ATXN7L1: variants seen among roughly 807,000 people sequenced by gnomAD.
ATXN7L1 encodes the protein ataxin-7-like protein 1.
Under a neutral mutation model 70.8 loss-of-function variants are expected in ATXN7L1, and 15 were observed. The observed-to-expected ratio is 0.21, with a 90% confidence interval of 0.14 to 0.33. ATXN7L1 has a LOEUF of 0.33. ATXN7L1 is among the 10% of genes least tolerant of loss of function. The pLI, the probability that ATXN7L1 is intolerant of heterozygous loss-of-function variation, is 1.00. For synonymous variants in ATXN7L1, 440 were observed against 445.1 expected, an observed-to-expected ratio of 0.99 and a Z score of 0.14; for missense variants, 975 against 1,097.1, an observed-to-expected ratio of 0.89 and a Z score of 1.57.
At chr7:105,831,464 A>C (rs561419957) in intron 2 of ATXN7L1, among the ~76,000 whole-genome samples, 1 of 152,284 alleles carries the variant, frequency 6.6e-6, no homozygotes, top group East Asian at 1.9e-4. Context: ...TACATAAGGA[A>C]CATCTGCTGA....
intron 2 of ATXN7L1, among the ~76,000 whole-genome samples, chr7:105,798,894 GA>G (rs1387658143): frequency 3.3e-5 from 5 of 152,228 alleles, no homozygotes; most frequent in African/African-American, 1.2e-4. Context: ...TTGTATGTGG[GA>G]GCTAAAACGC....
intron 9 of ATXN7L1, among the ~76,000 whole-genome samples, 194 bp from the exon 10 acceptor site, chr7:105,615,010 G>A (rs1793662085): frequency 6.6e-6 from 1 of 152,016 alleles, no homozygotes; most frequent in African/African-American, 2.4e-5. Flanking sequence ...GCAACATCCA[G>A]CAACCTAATT....
intron 4 of ATXN7L1, among the ~76,000 whole-genome samples, chr7:105,645,382 C>A (rs908914725): frequency 2.0e-5 from 3 of 152,168 alleles, no homozygotes; most frequent in African/African-American, 7.2e-5. Context: ...AGATCAGAGG[C>A]TGGGCTCAGT....
intron 4 of ATXN7L1, among the ~76,000 whole-genome samples, chr7:105,647,115 G>A (rs931999553): frequency 7.9e-5 from 12 of 152,208 alleles, no homozygotes; most frequent in Non-Finnish European, 1.0e-4. Context: ...TCTAGTACCT[G>A]GGCAGCCTTC....
At chr7:105,700,420 T>C (rs539791411) in intron 3 of ATXN7L1, among the ~76,000 whole-genome samples, 5 of 147,092 alleles carry the variant, frequency 3.4e-5, no homozygotes, top group South Asian at 2.1e-4. Flanking sequence ...GGCAGGAGAA[T>C]TGCTTGAACC....
chr7:105,741,053 C>A (rs1016020591), intron 3 of ATXN7L1, among the ~76,000 whole-genome samples: 2 of 152,082 alleles, frequency 1.3e-5, no homozygotes, highest in Admixed American at 6.5e-5. Flanking sequence ...CGTGAGCCAC[C>A]GCACCCGGCG....
rs71155469 is a variant in ATXN7L1 at position 105,671,104 on chromosome 7, CAAAAAAA to C, written c.356-5823_356-5817del. Among the ~76,000 whole-genome samples the C allele has an allele frequency of 8.2e-4, 74 of 89,706 alleles. 7 individuals are homozygous for C. The highest frequency in any genetic ancestry group is 2.3e-3 in the African/African-American group (57 of 24,592). The allele number at this position is 89,706 out of a possible 152,430, so 58.9% of individuals were successfully genotyped here. On this transcript the variant is annotated intron_variant, in intron 3 of 11. Transcript: ENST00000419735. ...CCTGGGCGACAGCGAGACTACGTCT[CAAAAAAA>C]AAAAAAAAAAAAAAAAAAAAAATTA... is the stretch of plus-strand genomic sequence containing the variant.
At chr7:105,618,812 T>C (rs926796300) in intron 9 of ATXN7L1, among the ~76,000 whole-genome samples, 1 of 152,196 alleles carries the variant, frequency 6.6e-6, no homozygotes, top group African/African-American at 2.4e-5. Context: ...CCTTACATTA[T>C]CAAGCGGCCT....
chr7:105,836,459 C>T (rs1694549372), intron 2 of ATXN7L1, among the ~76,000 whole-genome samples: 1 of 152,138 alleles, frequency 6.6e-6, no homozygotes, highest in Non-Finnish European at 1.5e-5. Context: ...GGGATGCCAG[C>T]ATTTAAATGG....
At chr7:105,712,019 C>T (rs1793982121) in intron 3 of ATXN7L1, among the ~76,000 whole-genome samples, 1 of 152,250 alleles carries the variant, frequency 6.6e-6, no homozygotes, top group African/African-American at 2.4e-5. Context: ...AAATGCAGGC[C>T]CAACGTCATG....
At chr7:105,738,459 C>G (rs562000780) in intron 3 of ATXN7L1, among the ~76,000 whole-genome samples, 9 of 152,338 alleles carry the variant, frequency 5.9e-5, no homozygotes, top group African/African-American at 1.9e-4. Flanking sequence ...ATCACACTAG[C>G]ACTCACATAT....
Position 105,656,640 on chromosome 7 carries a change from G to C in ATXN7L1, c.578+8426C>G, listed in dbSNP as rs183575459. 2.3e-3 allele frequency among the ~76,000 whole-genome samples: 339 copies of C among 146,302 alleles called. 2 individuals carry two copies. The highest frequency in any genetic ancestry group is 8.4e-3 in the African/African-American group (323 of 38,592). ...CACTGGAGTGCAGTGGTGTGATCTTGGCTCACTGCAACCTCTGCCTCCCAG... is the reference window on the plus strand; with the variant it reads ...CACTGGAGTGCAGTGGTGTGATCTTCGCTCACTGCAACCTCTGCCTCCCAG... On this transcript the variant is annotated intron_variant, in intron 4 of 11. Coordinates refer to ENST00000419735, the MANE Select transcript of ATXN7L1 (RefSeq NM_020725.2).
intron 3 of ATXN7L1, among the ~76,000 whole-genome samples, chr7:105,740,588 A>G (rs999601930): frequency 1.3e-5 from 2 of 151,962 alleles, no homozygotes; most frequent in African/African-American, 4.8e-5. Flanking sequence ...CTGATCCAAG[A>G]GTTAGTTAAA....
intron 2 of ATXN7L1, among the ~76,000 whole-genome samples, chr7:105,832,773 C>T (rs940371569): frequency 3.9e-5 from 6 of 152,172 alleles, no homozygotes; most frequent in Admixed American, 2.0e-4. Context: ...GTCTGCCCAT[C>T]GTAGTTATAC....
chr7:105,620,388 A>C (rs1794744811), intron 8 of ATXN7L1, 67 bp from the exon 9 acceptor site: 1 of 1,428,388 alleles, frequency 7.0e-7, no homozygotes, highest in Non-Finnish European at 9.4e-7. Flanking sequence ...ATACAGAGAA[A>C]AATAACATTT....
At chr7:105,711,324 C>T (rs1037524205) in intron 3 of ATXN7L1, among the ~76,000 whole-genome samples, 2 of 152,188 alleles carry the variant, frequency 1.3e-5, no homozygotes, top group African/African-American at 4.8e-5. Flanking sequence ...TACAATTATC[C>T]CTTCTCAACA....
intron 3 of ATXN7L1, among the ~76,000 whole-genome samples, chr7:105,693,578 TCC>T (rs1791310325): frequency 3.5e-5 from 2 of 57,190 alleles, no homozygotes; most frequent in East Asian, 1.1e-3. Context: ...CATCCATCCA[TCC>T]ATCTAATTTG....
chr7:105,683,861 T>C (rs974108882), intron 3 of ATXN7L1, among the ~76,000 whole-genome samples: 1 of 152,162 alleles, frequency 6.6e-6, no homozygotes, highest in Non-Finnish European at 1.5e-5. Flanking sequence ...CAGCCGCCAT[T>C]TCCATAAAGG....
At chr7:105,714,105 T>C (rs1794243966) in intron 3 of ATXN7L1, among the ~76,000 whole-genome samples, 1 of 152,268 alleles carries the variant, frequency 6.6e-6, no homozygotes, top group Non-Finnish European at 1.5e-5. Flanking sequence ...ATATAGTAGC[T>C]GCTCTTTAAA....
Sources: gnomAD v4.1 joint callset for allele counts (sites outside exome capture counted in the v4.1 genomes callset) on GRCh38, gnomAD v4.1.1 for gene constraint, MANE v1.5 for transcripts, NCBI Gene and HGNC (gene_info 2026-07-23, HGNC 2026-07-21) for gene names.